Variants in SLC15A5 observed in about 807,000 individuals in gnomAD.
The protein encoded by SLC15A5 is solute carrier family 15 member 5.
Under a neutral mutation model 56.1 loss-of-function variants are expected in SLC15A5, and 58 were observed. The observed-to-expected ratio is 1.03, with a 90% CI of 0.84 to 1.29. SLC15A5 has a LOEUF of 1.29. Ranked by LOEUF, SLC15A5 falls within the 50% of genes most tolerant of loss-of-function variation. The pLI is 0.00. For synonymous variants in SLC15A5, 264 were observed against 250.5 expected (o/e 1.05, Z -0.51); for missense variants, 681 against 672.1 (o/e 1.01, Z -0.15).
At chr12:16,241,662 G>A (rs1470255393) in intron 4 of SLC15A5, among the ~76,000 whole-genome samples, 2 of 152,186 alleles carry the variant, frequency 1.3e-5, no homozygotes, top group African/African-American at 4.8e-5. Context: ...ATCCCCCATC[G>A]GAGGAAAATG....
intron 3 of SLC15A5, 51 bp downstream of exon 3, chr12:16,257,650 T>C: frequency 3.1e-6 from 4 of 1,285,180 alleles, no homozygotes; most frequent in Non-Finnish European, 4.0e-6. Context: ...AGGATATCTG[T>C]CAAGAAAACA....
At chr12:16,225,310 T>A (rs562959377) in intron 5 of SLC15A5, among the ~76,000 whole-genome samples, 8 of 152,336 alleles carry the variant, frequency 5.3e-5, no homozygotes, top group Admixed American at 2.0e-4. Context: ...CACACTGTCT[T>A]CCACAATGGT....
chr12:16,217,656 C>T (rs948951339), intron 6 of SLC15A5, among the ~76,000 whole-genome samples: 1 of 152,048 alleles, frequency 6.6e-6, no homozygotes, highest in African/African-American at 2.4e-5. Context: ...AATGCTGACT[C>T]GTAGGTCCTG....
intron 5 of SLC15A5, among the ~76,000 whole-genome samples, 185 bp from the exon 6 acceptor site, chr12:16,224,787 T>G (rs200971170): frequency 6.6e-6 from 1 of 152,094 alleles, no homozygotes; most frequent in Non-Finnish European, 1.5e-5. Flanking sequence ...TGCAGGTTTG[T>G]TACATATGTA....
intron 7 of SLC15A5, among the ~76,000 whole-genome samples, chr12:16,203,765 A>T (rs1277662570): frequency 6.6e-6 from 1 of 152,168 alleles, no homozygotes. Context: ...TAAGGATAAA[A>T]ATTACATGTA....
At chr12:16,239,484 A>C (rs559022496) in intron 5 of SLC15A5, among the ~76,000 whole-genome samples, 197 bp downstream of exon 5, 7 of 152,296 alleles carry the variant, frequency 4.6e-5, no homozygotes, top group African/African-American at 1.7e-4. Context: ...CATAAACATA[A>C]AAGGATAGGA....
At chr12:16,224,731 T>TA (rs1211537681) in intron 5 of SLC15A5, 129 bp from the exon 6 acceptor site, 38 of 979,646 alleles carry the variant, frequency 3.9e-5, no homozygotes, top group Admixed American at 3.5e-4. Context: ...TATTTTTTTT[T>TA]AATTTTTTTA....
In SLC15A5 at chr12:16,189,799, G is replaced by A; in HGVS notation, c.1609C>T (p.His537Tyr). The part of the protein sequence containing the change: ...SVSQRYCNLN[H>Y]FNAQNIRGSN... ...CCACGGATGTTCTGGGCATTAAAAT[G>A]ATTTAGATTACAATATCTAAAAAAG... Residue 537 changes from histidine (H) to tyrosine (Y), a missense_variant, in exon 9 of 9, where the codon CAT becomes TAT. Coordinates refer to ENST00000344941, the MANE Select transcript of SLC15A5 (RefSeq NM_001170798.1). The A allele has an allele frequency of 6.6e-7, 1 of 1,506,474 alleles. No individual in the cohort carries two copies. The allele number at this position is 1,506,474 out of a possible 1,614,324, so 93.3% of individuals were successfully genotyped here.
Position 16,242,166 on chromosome 12 carries a change from G to A in SLC15A5, c.976-2299C>T, listed in dbSNP as rs1203747062. ...TGGCTACTAAATTTAAAATATGTAT[G>A]AAATTCTATGATGTTTTATTCTTGG... On this transcript the variant is annotated intron_variant, in intron 4 of 8. Transcript: ENST00000344941. 2.0e-5 allele frequency among the ~76,000 whole-genome samples: 3 copies of A among 152,156 alleles called. No homozygotes were observed. In the East Asian group the frequency reaches 5.8e-4, roughly 29 times the overall value.
chr12:16,252,132 A>G (rs917390730), intron 3 of SLC15A5, among the ~76,000 whole-genome samples: 3 of 152,050 alleles, frequency 2.0e-5, no homozygotes, highest in Non-Finnish European at 4.4e-5. Context: ...TAAAAACATT[A>G]GACAAACTAA....
At chr12:16,239,473 A>G (rs1274829292) in intron 5 of SLC15A5, among the ~76,000 whole-genome samples, 1 of 152,146 alleles carries the variant, frequency 6.6e-6, no homozygotes, top group African/African-American at 2.4e-5. Context: ...TTCTGAGGAG[A>G]CATAAACATA....
intron 7 of SLC15A5, among the ~76,000 whole-genome samples, chr12:16,203,575 A>G (rs1361802591): frequency 6.6e-6 from 1 of 152,172 alleles, no homozygotes; most frequent in African/African-American, 2.4e-5. Context: ...AAGTTTTTGT[A>G]TGATAAGGAA....
In SLC15A5 at chr12:16,196,763, A is replaced by G. The variant is rs547397662; in HGVS notation, c.1484-2310T>C. ...ATTCTGGTCCATAATAAGTAATTGAAAAGACTATATTATAAGAGAGTCAGA... is the reference window on the plus strand; with the variant it reads ...ATTCTGGTCCATAATAAGTAATTGAGAAGACTATATTATAAGAGAGTCAGA... On this transcript the variant is annotated intron_variant, in intron 7 of 8. Coordinates refer to ENST00000344941, the MANE Select transcript of SLC15A5 (RefSeq NM_001170798.1). The surrounding 1 kb of genome is among the most constrained non-coding windows in gnomAD (Gnocchi z 4.0). 6.6e-6 allele frequency among the ~76,000 whole-genome samples: 1 copy of G among 152,256 alleles called. No individual in the cohort carries two copies. Among genetic ancestry groups the G allele is most frequent in the South Asian group, 2.1e-4 (1 of 4,824 alleles).
chr12:16,190,906 A>G (rs1863833124), intron 8 of SLC15A5, among the ~76,000 whole-genome samples: 2 of 152,132 alleles, frequency 1.3e-5, no homozygotes, highest in African/African-American at 4.8e-5. Context: ...TGTGTTTCAC[A>G]ACACTGGAAG....
At chr12:16,211,699 T>C (rs570731426) in intron 7 of SLC15A5, among the ~76,000 whole-genome samples, 38 of 152,344 alleles carry the variant, frequency 2.5e-4, no homozygotes, top group African/African-American at 8.7e-4. Context: ...CATTCCCTTA[T>C]ATTAGCATTG....
intron 3 of SLC15A5, among the ~76,000 whole-genome samples, chr12:16,253,304 C>T (rs185241121): frequency 5.3e-5 from 8 of 152,032 alleles, no homozygotes; most frequent in Middle Eastern, 3.4e-3. Context: ...AACATGAAAA[C>T]GTCGGCATTT....
rs1313483765 is a variant in SLC15A5, at chr12:16,277,384, G to T, written c.302C>A (p.Thr101Asn). Reference sequence around the variant, plus strand: ...TTTGTTTCTTCCTAAATAGACATCAGTGAGCCATCTGACAAACACAGGGGT... The same window carrying T: ...TTTGTTTCTTCCTAAATAGACATCATTGAGCCATCTGACAAACACAGGGGT... ...ILTPVFVRWL[T>N]DVYLGRNKLV... The change falls in exon 1 of 9, where the codon ACT becomes AAT. Residue 101 changes from threonine to asparagine, a missense_variant. Physicochemically the swap from Thr to Asn is moderately conservative, Grantham distance 65 (BLOSUM62 0). Transcript: ENST00000344941. 1 of 1,536,202 alleles carries T rather than the reference G, an allele frequency of 6.5e-7. No individual in the cohort carries two copies. Among genetic ancestry groups the T allele is most frequent in the East Asian group, 2.4e-5 (1 of 40,894 alleles).
intron 8 of SLC15A5, among the ~76,000 whole-genome samples, chr12:16,192,849 C>T (rs932724461): frequency 1.3e-5 from 2 of 152,222 alleles, no homozygotes; most frequent in African/African-American, 4.8e-5. Context: ...TTTACTCATC[C>T]TCACAAAAGC....
intron 7 of SLC15A5, among the ~76,000 whole-genome samples, chr12:16,210,508 A>G (rs1056358122): frequency 1.3e-5 from 2 of 152,226 alleles, no homozygotes; most frequent in African/African-American, 4.8e-5. Flanking sequence ...CACTCAAATT[A>G]AGATAACAAC....
Sources: gnomAD v4.1 joint callset for allele counts (sites outside exome capture counted in the v4.1 genomes callset) on GRCh38, gnomAD v4.1.1 for gene constraint, Gnocchi (gnomAD v3.1) non-coding constraint, MANE v1.5 for transcripts, NCBI Gene and HGNC (gene_info 2026-07-23, HGNC 2026-07-21) for gene names.